The following COL28A1 variants were observed in gnomAD, a reference collection of about 807,000 sequenced individuals.
COL28A1 encodes the protein collagen alpha-1(XXVIII) chain.
A neutral mutation model predicts 150.2 loss-of-function variants in COL28A1; 161 were observed. That is an observed-to-expected ratio of 1.07 (90% confidence interval 0.94 to 1.22). The LOEUF is 1.22. Among genes scored for constraint, COL28A1 ranks in the 50% most tolerant of loss-of-function variants. The pLI is 0.00. For synonymous variants in COL28A1, 552 were observed against 469.7 expected (o/e 1.18, Z -2.26); for missense variants, 1,617 against 1,388.3 (o/e 1.16, Z -2.62).
At chr7:7,404,950 C>G (rs1240167725) in intron 27 of COL28A1, among the ~76,000 whole-genome samples, 1 of 152,114 alleles carries the variant, frequency 6.6e-6, no homozygotes, top group South Asian at 2.1e-4. Flanking sequence ...GTGGCATGAT[C>G]ACGACTCACT....
chr7:7,391,486 A>G (rs1782537044), intron 27 of COL28A1, among the ~76,000 whole-genome samples: 1 of 152,204 alleles, frequency 6.6e-6, no homozygotes, highest in Admixed American at 6.5e-5. Context: ...GTAGATGTCT[A>G]TTAGGTCCAG....
chr7:7,449,399 G>T lies in COL28A1; in HGVS notation c.1509+2920C>A, dbSNP rs184466677. 1.5e-3 allele frequency among the ~76,000 whole-genome samples: 226 copies of T among 151,954 alleles called. 2 individuals are homozygous for T. Among genetic ancestry groups the T allele is most frequent in the African/African-American group, 4.9e-3 (205 of 41,544 alleles). ...TTTGGTACAACCAAAAAAGAAGGAA[G>T]CTTCCTTAACCTAATGAAGGGTATC... On this transcript the variant is annotated intron_variant, in intron 18 of 34. Coordinates refer to ENST00000399429, the MANE Select transcript of COL28A1 (RefSeq NM_001037763.3).
intron 27 of COL28A1, chr7:7,417,548 G>A (rs146700915): frequency 0.13 from 4,437 of 33,252 alleles, 240 homozygotes; most frequent in Middle Eastern, 0.23. Flanking sequence ...GAGGGGGGGG[G>A]GAGAGAGAGA....
chr7:7,494,920 A>G (rs189248246), intron 11 of COL28A1, among the ~76,000 whole-genome samples: 2 of 152,312 alleles, frequency 1.3e-5, no homozygotes, highest in Admixed American at 6.5e-5. Context: ...GGAAAAGAAA[A>G]GAAACAAAAG....
chr7:7,510,420 G>C (rs1170972145), intron 9 of COL28A1, among the ~76,000 whole-genome samples: 1 of 152,088 alleles, frequency 6.6e-6, no homozygotes, highest in Non-Finnish European at 1.5e-5. Flanking sequence ...GAGTAGCTGG[G>C]ACTACAGGTG....
intron 33 of COL28A1, among the ~76,000 whole-genome samples, chr7:7,370,336 G>C (rs758912): frequency 0.012 from 1,850 of 152,250 alleles, 19 homozygotes; most frequent in Middle Eastern, 0.02. Flanking sequence ...GTACAAAGTG[G>C]GAAGCAGATG....
Position 7,474,611 on chromosome 7 carries a change from T to C in COL28A1, c.1292A>G (p.Lys431Arg), listed in dbSNP as rs1294879325. 9 of 1,290,280 alleles carry C rather than the reference T, an allele frequency of 7.0e-6. No individual in the cohort carries two copies. Among genetic ancestry groups the C allele is most frequent in the Non-Finnish European group, 1.0e-5 (9 of 884,960 alleles). 79.9% of individuals were successfully genotyped at this position (1,290,280 alleles called of 1,614,324 possible). The change falls in exon 15 of 35, where the codon AAA becomes AGA. Residue 431 changes from lysine (K) to arginine (R), a missense_variant. By Grantham distance (26) the Lys-to-Arg change is conservative (BLOSUM62 2). Transcript: ENST00000399429. ...GPQGLQGLSI[K>R]GEKGDIGPVG... ...CCTATTATACAGTACCTTCTCCCCT[T>C]TGATTGACAGGCCTTGTAATCCCTG...
chr7:7,348,399 G>A, the COL28A1 span, among the ~76,000 whole-genome samples: 8,160 of 151,970 alleles, frequency 0.054, 747 homozygotes, highest in African/African-American at 0.19. Context: ...CCCTAGGTAG[G>A]GGCAGTGTCA....
chr7:7,379,155 A>G (rs1450276069), intron 30 of COL28A1, among the ~76,000 whole-genome samples: 1 of 152,146 alleles, frequency 6.6e-6, no homozygotes, highest in Non-Finnish European at 1.5e-5. Context: ...GCAGCTGGAG[A>G]AGGACGAGGG....
chr7:7,443,611 G>A lies in COL28A1; in HGVS notation c.1624C>T (p.Pro542Ser), dbSNP rs201689264. 1.7e-4 allele frequency: 269 copies of A among 1,613,996 alleles called. 2 individuals carry two copies. The African/African-American group carries it at 3.3e-3, about 20-fold the overall frequency. Residue 542 changes from proline to serine, a missense_variant, in exon 20 of 35, where the codon CCT becomes TCT. Physicochemically the swap from Pro to Ser is moderately conservative, Grantham distance 74 (BLOSUM62 -1). Coordinates refer to ENST00000399429, the MANE Select transcript of COL28A1 (RefSeq NM_001037763.3). ...LPGARGPEGP[P>S]GKGQPGPKGD... ...TTGGGGCCAGGCTGTCCTTTTCCAGGTGGTCCTTCTGGGCCTCTTGCTCCC... is the reference window on the plus strand; with the variant it reads ...TTGGGGCCAGGCTGTCCTTTTCCAGATGGTCCTTCTGGGCCTCTTGCTCCC...
chr7:7,499,474 G>A (rs1192993852), intron 11 of COL28A1, among the ~76,000 whole-genome samples: 1 of 152,142 alleles, frequency 6.6e-6, no homozygotes, highest in Non-Finnish European at 1.5e-5. Flanking sequence ...AGAGAATTGT[G>A]AACTTAAAAC....
At chr7:7,346,512 G>T in the COL28A1 span, among the ~76,000 whole-genome samples, 174 of 152,074 alleles carry the variant, frequency 1.1e-3, no homozygotes, top group African/African-American at 4.0e-3. Context: ...TGAAAATAAA[G>T]ATTTCTCCCA....
At chr7:7,391,014 T>G (rs1782509263) in intron 27 of COL28A1, among the ~76,000 whole-genome samples, 2 of 152,204 alleles carry the variant, frequency 1.3e-5, no homozygotes, top group Admixed American at 6.5e-5. Context: ...TCTTGTCTTC[T>G]TCTAGCTTTT....
rs955603779 is a variant in COL28A1, at chr7:7,517,965, C to T, written c.814-128G>A. The T allele has an allele frequency of 8.0e-6, 6 of 746,488 alleles. No individual in the cohort carries two copies. The African/African-American group carries it at 9.6e-5, about 12-fold the overall frequency. 46.2% of individuals were successfully genotyped at this position (746,488 alleles called of 1,614,324 possible). A position where few individuals can be genotyped will look rare whatever the true frequency, so the allele number is the denominator to read the frequency against. ...AAACATCTTTAGTCTTTCCCGTTGACATTTTCACTATGCAATCTAGGCAAA... is the reference window on the plus strand; with the variant it reads ...AAACATCTTTAGTCTTTCCCGTTGATATTTTCACTATGCAATCTAGGCAAA... On this transcript the variant is annotated intron_variant, in intron 6 of 34. Transcript: ENST00000399429.
In COL28A1 at chr7:7,507,113, T is replaced by A. The variant is rs755821766; in HGVS notation, c.972+4A>T. On this transcript the variant is annotated splice_donor_region_variant and intron_variant, in intron 10 of 34. Transcript: ENST00000399429. ...AAACTTAGATTTGGTTTTAACCCCC[T>A]TACCTGAATTCCTCTGGGTCCCTTT... 2.5e-6 allele frequency: 3 copies of A among 1,215,046 alleles called. No homozygotes were observed. Among genetic ancestry groups the A allele is most frequent in the Middle Eastern group, 1.9e-4 (1 of 5,254 alleles). 75.3% of individuals were successfully genotyped at this position (1,215,046 alleles called of 1,614,324 possible). A position where few individuals can be genotyped will look rare whatever the true frequency, so the allele number is the denominator to read the frequency against.
chr7:7,476,703 CTTA>C (rs1162723239), intron 14 of COL28A1, among the ~76,000 whole-genome samples: 2 of 152,100 alleles, frequency 1.3e-5, no homozygotes, highest in Non-Finnish European at 2.9e-5. Context: ...AATTTTCTTT[CTTA>C]TTATATTGAT....
chr7:7,532,656 T>A, intron 2 of COL28A1, 96 bp downstream of exon 2: 2 of 1,459,954 alleles, frequency 1.4e-6, no homozygotes, highest in South Asian at 2.7e-5. Flanking sequence ...TATACATGTA[T>A]ATGGCTTGCT....
chr7:7,500,530 G>A (rs898482827), intron 11 of COL28A1, among the ~76,000 whole-genome samples: 1 of 152,098 alleles, frequency 6.6e-6, no homozygotes, highest in African/African-American at 2.4e-5. Flanking sequence ...AATGATTAAC[G>A]GTATAATACA....
At chr7:7,498,577 A>G (rs1780344730) in intron 11 of COL28A1, among the ~76,000 whole-genome samples, 1 of 152,186 alleles carries the variant, frequency 6.6e-6, no homozygotes, top group African/African-American at 2.4e-5. Context: ...TGTATTTAAT[A>G]CCACTGAATT....
Sources: gnomAD v4.1 joint callset for allele counts (sites outside exome capture counted in the v4.1 genomes callset) on GRCh38, gnomAD v4.1.1 for gene constraint, MANE v1.5 for transcripts, NCBI Gene and HGNC (gene_info 2026-07-23, HGNC 2026-07-21) for gene names.